The following ENO1 variants were observed in gnomAD, a reference collection of about 807,000 sequenced individuals.
ENO1 encodes the protein alpha-enolase.
ENO1 carries 33 observed loss-of-function variants against 46.3 expected under a neutral mutation model. The ratio of observed to expected loss-of-function variants is 0.71; its 90% CI spans 0.54 to 0.95. The LOEUF (loss-of-function observed/expected upper bound fraction) is 0.95. ENO1 is among the 40% of genes least tolerant of loss of function. The probability of loss-of-function intolerance (pLI) is 0.00; values close to 1 mark genes in which losing one functional copy is unlikely to be tolerated. For synonymous variants in ENO1, 220 were observed against 216.0 expected (o/e 1.02, Z -0.16); for missense variants, 488 against 553.3 (o/e 0.88, Z 1.18).
chr1:8,868,635 C>A (rs144767686), intron 4 of ENO1, among the ~76,000 whole-genome samples: 156 of 152,324 alleles, frequency 1.0e-3, no homozygotes, highest in African/African-American at 3.6e-3. Flanking sequence ...AACTGACGTA[C>A]TGAGAACTGG....
rs1171957379 is a variant in ENO1, at chr1:8,870,617, G to A, written c.182-107C>T. The A allele has an allele frequency of 3.9e-6, 6 of 1,553,196 alleles. No homozygotes were observed. The Admixed American group carries it at 1.1e-4, about 29-fold the overall frequency. On this transcript the variant is annotated intron_variant, in intron 3 of 11. Transcript: ENST00000234590. ...AGGCCGACGCGGAAGCCCACCAAGG[G>A]ACCTTCTGTGGGACCTCTTCCCCCT...
intron 3 of ENO1, chr1:8,871,118 T>A: frequency 8.4e-7 from 1 of 1,184,106 alleles, no homozygotes; most frequent in Non-Finnish European, 1.0e-6. Flanking sequence ...GGTCAAATGG[T>A]AACATGTTCG....
Position 8,878,680 on chromosome 1 carries a change from A to G in ENO1, c.-110T>C, listed in dbSNP as rs1292769061. 1 of 456,056 alleles carries G rather than the reference A, an allele frequency of 2.2e-6. No homozygotes were observed. 28.3% of individuals were successfully genotyped at this position (456,056 alleles called of 1,614,324 possible). Reference sequence around the variant, plus strand: ...AGATCTCCGTGCTCCGGGTACCCACAGATACTGTCCGCGCCGCCCGCGCCG... The same window carrying G: ...AGATCTCCGTGCTCCGGGTACCCACGGATACTGTCCGCGCCGCCCGCGCCG... On this transcript the variant is annotated 5_prime_UTR_variant, in exon 1 of 12. Coordinates refer to ENST00000234590, the MANE Select transcript of ENO1 (RefSeq NM_001428.5).
In ENO1 at chr1:8,863,986, G is replaced by A. The variant is rs1458348417; in HGVS notation, c.972C>T (p.Asn324=). The A allele has an allele frequency of 1.2e-6, 2 of 1,614,160 alleles. No homozygotes were observed. ...TCACGGCCTTGGCGATCCTCTTTGG[G>A]TTGGTCACTGTGAGATCATCCCCCA... ...QVVGDDLTVT[N]PKRIAKAVNE... Residue 324 remains asparagine, a synonymous_variant, in exon 9 of 12, where the codon AAC becomes AAT. Coordinates refer to ENST00000234590, the MANE Select transcript of ENO1 (RefSeq NM_001428.5).
chr1:8,871,781 C>T (rs540046496), intron 3 of ENO1, 110 bp downstream of exon 3: 461 of 1,321,802 alleles, frequency 3.5e-4, no homozygotes, highest in Non-Finnish European at 4.6e-4. Context: ...AGCAGGTTTA[C>T]CTGCCATAAA....
intron 2 of ENO1, among the ~76,000 whole-genome samples, chr1:8,872,572 G>A (rs1387040699): frequency 6.6e-6 from 1 of 152,002 alleles, no homozygotes; most frequent in Non-Finnish European, 1.5e-5. Flanking sequence ...TAGTAAAGAT[G>A]GGGTTTCACC....
chr1:8,864,530 C>G (rs1642470978), intron 8 of ENO1, among the ~76,000 whole-genome samples: 1 of 152,162 alleles, frequency 6.6e-6, no homozygotes, highest in Non-Finnish European at 1.5e-5. Flanking sequence ...TGATCTCAAA[C>G]TCCTGGGCTC....
chr1:8,866,772 G>A (rs1183398016), intron 6 of ENO1, among the ~76,000 whole-genome samples: 2 of 152,200 alleles, frequency 1.3e-5, no homozygotes, highest in Non-Finnish European at 2.9e-5. Flanking sequence ...CTCTTGATTA[G>A]CTGGGACTAC....
chr1:8,869,403 T>C (rs1213673811), intron 4 of ENO1, among the ~76,000 whole-genome samples: 5 of 141,236 alleles, frequency 3.5e-5, no homozygotes, highest in Non-Finnish European at 8.0e-5. Context: ...AATTACAGAG[T>C]GCCACAAAAG....
chr1:8,871,550 G>A (rs1642632978), intron 3 of ENO1: 3 of 1,069,892 alleles, frequency 2.8e-6, no homozygotes, highest in Non-Finnish European at 3.4e-6. Flanking sequence ...GAACCCTCCT[G>A]GGAGATGGGG....
At chr1:8,878,263 TA>T (rs1015393326) in intron 1 of ENO1, 2 of 254,220 alleles carry the variant, frequency 7.9e-6, no homozygotes, top group African/African-American at 4.8e-5. Context: ...CCCGCTGTGC[TA>T]AGCAGCTCGC....
At chr1:8,862,080 A>G (rs1344605288) in intron 11 of ENO1, among the ~76,000 whole-genome samples, 3 of 152,020 alleles carry the variant, frequency 2.0e-5, no homozygotes, top group African/African-American at 7.2e-5. Context: ...TCTGGGAGGC[A>G]GAGGTTGCAG....
intron 3 of ENO1, chr1:8,870,909 A>C: frequency 2.4e-6 from 3 of 1,256,724 alleles, no homozygotes; most frequent in Non-Finnish European, 3.0e-6. Flanking sequence ...TGAAGAAGGA[A>C]AAATGAGAGA....
intron 3 of ENO1, chr1:8,871,590 C>T (rs1454531023): frequency 1.7e-6 from 2 of 1,166,430 alleles, no homozygotes; most frequent in South Asian, 2.5e-5. Context: ...AGGCCCTGTT[C>T]TCATGCTTGG....
At chr1:8,861,625 GT>G (rs1253418072) in intron 11 of ENO1, among the ~76,000 whole-genome samples, 196 bp from the exon 12 acceptor site, 1 of 151,992 alleles carries the variant, frequency 6.6e-6, no homozygotes, top group Non-Finnish European at 1.5e-5. Flanking sequence ...ATATAGAAAA[GT>G]ATTTAGTTCT....
At chr1:8,862,478 C>T (rs1436474350) in intron 11 of ENO1, among the ~76,000 whole-genome samples, 3 of 152,186 alleles carry the variant, frequency 2.0e-5, no homozygotes, top group Non-Finnish European at 2.9e-5. Context: ...CAAGTGGAAA[C>T]CCAGCCATGT....
chr1:8,869,318 C>T (rs918878244), intron 4 of ENO1, among the ~76,000 whole-genome samples: 11 of 152,024 alleles, frequency 7.2e-5, no homozygotes, highest in South Asian at 6.2e-4. Flanking sequence ...TGGAGGTGTC[C>T]GGGAGACTGG....
chr1:8,866,527 T>C (rs1642521356), intron 6 of ENO1, 26 bp from the exon 7 acceptor site: 3 of 1,613,138 alleles, frequency 1.9e-6, no homozygotes, highest in Admixed American at 1.7e-5. Context: ...CAGAGAAGCA[T>C]GGCACTGGGT....
At chr1:8,866,935 A>T (rs1642530556) in intron 6 of ENO1, among the ~76,000 whole-genome samples, 182 bp downstream of exon 6, 1 of 152,212 alleles carries the variant, frequency 6.6e-6, no homozygotes, top group East Asian at 1.9e-4. Flanking sequence ...CCTCCATTGC[A>T]GATAAAGGAC....
Sources: gnomAD v4.1 joint callset for allele counts (sites outside exome capture counted in the v4.1 genomes callset) on GRCh38, gnomAD v4.1.1 for gene constraint, MANE v1.5 for transcripts, NCBI Gene and HGNC (gene_info 2026-07-23, HGNC 2026-07-21) for gene names.